GLCCI1: variants seen among roughly 807,000 people sequenced by gnomAD.
The protein encoded by GLCCI1 is glucocorticoid induced 1.
A neutral mutation model predicts 52.2 loss-of-function variants in GLCCI1; 24 were observed. The observed-to-expected ratio is 0.46, with a 90% CI of 0.33 to 0.65. GLCCI1 has a LOEUF of 0.65. Among genes scored for constraint, GLCCI1 ranks in the 30% least tolerant of loss-of-function variants. The probability of loss-of-function intolerance (pLI) is 0.02; values close to 1 mark genes in which losing one functional copy is unlikely to be tolerated. For synonymous variants in GLCCI1, 310 were observed against 276.5 expected (o/e 1.12, Z -1.20); for missense variants, 704 against 701.5 (o/e 1.00, Z -0.04).
chr7:8,023,588 CTTTTT>C (rs571726894), intron 3 of GLCCI1, among the ~76,000 whole-genome samples: 54 of 41,976 alleles, frequency 1.3e-3, no homozygotes, highest in Non-Finnish European at 1.8e-3. Flanking sequence ...CTCTGTTATT[CTTTTT>C]TTTTTTTTTT....
At chr7:7,973,310 C>T (rs1377982108) in intron 1 of GLCCI1, among the ~76,000 whole-genome samples, 1 of 151,878 alleles carries the variant, frequency 6.6e-6, no homozygotes, top group Non-Finnish European at 1.5e-5. Context: ...AGTAAAGTTG[C>T]TTCTTTTTGA....
At chr7:8,061,002 A>G (rs1462289822) in intron 5 of GLCCI1, among the ~76,000 whole-genome samples, 2 of 152,072 alleles carry the variant, frequency 1.3e-5, no homozygotes, top group Non-Finnish European at 2.9e-5. Flanking sequence ...TTTTTTAATT[A>G]TAGCAATCTT....
chr7:7,969,506 C>T lies in GLCCI1; in HGVS notation c.156C>T (p.Ala52=). 1 of 1,003,570 alleles carries T rather than the reference C, an allele frequency of 1.0e-6. No individual in the cohort carries two copies. The highest frequency in any genetic ancestry group is 1.2e-6 in the Non-Finnish European group (1 of 843,988). 62.2% of individuals were successfully genotyped at this position (1,003,570 alleles called of 1,614,324 possible). Reference sequence around the variant, plus strand: ...GCGGCGGCGGCGGCGTGGGCTGCGCCCCGGCTGCGGGAGCCGGCCGGCTGC... The same window carrying T: ...GCGGCGGCGGCGGCGTGGGCTGCGCTCCGGCTGCGGGAGCCGGCCGGCTGC... ...GAGGGGGVGC[A]PAAGAGRLLQ... The change falls in exon 1 of 8, where the codon GCC becomes GCT. Residue 52 remains alanine (A), a synonymous_variant. Coordinates refer to ENST00000223145, the MANE Select transcript of GLCCI1 (RefSeq NM_138426.4). This position sits in a 1 kb window ranked among gnomAD's most constrained non-coding sequence, Gnocchi z 4.9.
intron 3 of GLCCI1, among the ~76,000 whole-genome samples, chr7:8,038,832 A>T (rs1306514364): frequency 6.6e-6 from 1 of 152,230 alleles, no homozygotes; most frequent in Non-Finnish European, 1.5e-5. Flanking sequence ...CTACCTACAG[A>T]ATGCAAGAAA....
At chr7:8,055,677 T>C in intron 4 of GLCCI1, 128 bp downstream of exon 4, 1 of 678,658 alleles carries the variant, frequency 1.5e-6, no homozygotes, top group Non-Finnish European at 2.5e-6. Flanking sequence ...TGTTAAATTG[T>C]TATAAAAAGA....
chr7:8,064,387 G>A (rs578046195), intron 5 of GLCCI1, among the ~76,000 whole-genome samples: 3 of 152,076 alleles, frequency 2.0e-5, no homozygotes, highest in Non-Finnish European at 2.9e-5. Flanking sequence ...TATTTTTCTC[G>A]ACTTTGTCAA....
chr7:8,068,788 A>AG (rs1377120087), intron 5 of GLCCI1, among the ~76,000 whole-genome samples: 1 of 152,102 alleles, frequency 6.6e-6, no homozygotes, highest in African/African-American at 2.4e-5. Context: ...CCATGGTATA[A>AG]TTTGTACAGT....
chr7:8,030,840 A>G (rs1035202761), intron 3 of GLCCI1, among the ~76,000 whole-genome samples: 9 of 152,278 alleles, frequency 5.9e-5, no homozygotes, highest in African/African-American at 2.2e-4. Flanking sequence ...ATGAGGTATC[A>G]TCTCACCCCA....
In GLCCI1 at chr7:8,084,929, G is replaced by T; in HGVS notation, c.1210G>T (p.Ala404Ser). The T allele has an allele frequency of 1.9e-6, 3 of 1,614,134 alleles. No homozygotes were observed. Among genetic ancestry groups the T allele is most frequent in the Non-Finnish European group, 2.5e-6 (3 of 1,179,982 alleles). The change falls in exon 7 of 8, where the codon GCT becomes TCT. Residue 404 changes from alanine to serine, a missense_variant. By Grantham distance (99) the Ala-to-Ser change is moderately conservative (BLOSUM62 1). Around this residue, in one of 3 missense-constraint regions of GLCCI1, gnomAD observed 547 missense variants for 524.8 expected, o/e 1.04. Coordinates refer to ENST00000223145, the MANE Select transcript of GLCCI1 (RefSeq NM_138426.4). ...SGSSSPLPKY[A>S]SSPKPNNSYM... Reference sequence around the variant, plus strand: ...GAGTAGCTCACCGTTACCCAAGTATGCTTCATCTCCCAAACCAAACAACAG... The same window carrying T: ...GAGTAGCTCACCGTTACCCAAGTATTCTTCATCTCCCAAACCAAACAACAG...
At chr7:8,026,925 A>C (rs1781634911) in intron 3 of GLCCI1, among the ~76,000 whole-genome samples, 1 of 152,248 alleles carries the variant, frequency 6.6e-6, no homozygotes, top group African/African-American at 2.4e-5. Flanking sequence ...CCAAGATGGT[A>C]GGTATAACTC....
At chr7:7,971,856 G>C (rs1373792973) in intron 1 of GLCCI1, among the ~76,000 whole-genome samples, 1 of 152,224 alleles carries the variant, frequency 6.6e-6, no homozygotes, top group Non-Finnish European at 1.5e-5. Context: ...CAGTGTCAGA[G>C]AGCTTGTGTT....
rs61377819 is a variant in GLCCI1, at chr7:8,061,657, C to CTTTTTTTT, written c.966+1429_966+1436dup. ...TGGCATCTCTGTTTACCATTGAACT[C>CTTTTTTTT]TTTTTTTTTTTTTTTTTTTTTTTTT... On this transcript the variant is annotated intron_variant, in intron 5 of 7. Coordinates refer to ENST00000223145, the MANE Select transcript of GLCCI1 (RefSeq NM_138426.4). Among the ~76,000 whole-genome samples, 10 of 78,382 alleles carry CTTTTTTTT rather than the reference C, an allele frequency of 1.3e-4. 1 individual carries two copies. Among genetic ancestry groups the CTTTTTTTT allele is most frequent in the East Asian group, 8.4e-4 (2 of 2,388 alleles). 51.4% of individuals were successfully genotyped at this position (78,382 alleles called of 152,430 possible).
chr7:8,007,377 T>C (rs1026801563), intron 2 of GLCCI1, among the ~76,000 whole-genome samples: 2 of 152,230 alleles, frequency 1.3e-5, no homozygotes, highest in Admixed American at 6.5e-5. Flanking sequence ...ACGTAGTACG[T>C]ATTAAGCGTG....
At chr7:8,015,972 A>G (rs1781368637) in intron 2 of GLCCI1, among the ~76,000 whole-genome samples, 1 of 152,150 alleles carries the variant, frequency 6.6e-6, no homozygotes, top group African/African-American at 2.4e-5. Flanking sequence ...AGCACACTCT[A>G]GGTAAAATTG....
chr7:7,997,996 A>T (rs1780969647), intron 1 of GLCCI1, among the ~76,000 whole-genome samples: 1 of 151,676 alleles, frequency 6.6e-6, no homozygotes, highest in African/African-American at 2.4e-5. Flanking sequence ...AGAATATTAT[A>T]GCTAGTTTAT....
intron 2 of GLCCI1, among the ~76,000 whole-genome samples, chr7:8,011,997 A>G (rs1179655272): frequency 1.3e-5 from 2 of 151,644 alleles, no homozygotes; most frequent in African/African-American, 4.8e-5. Context: ...TTGTATTTTT[A>G]GTAGAGACGG....
chr7:8,043,762 A>G (rs1458964513), intron 3 of GLCCI1, among the ~76,000 whole-genome samples: 2 of 152,212 alleles, frequency 1.3e-5, no homozygotes, highest in African/African-American at 4.8e-5. Flanking sequence ...GGGAATAGGT[A>G]TAAAAGACTA....
chr7:8,049,480 G>A (rs1782209408), intron 3 of GLCCI1, among the ~76,000 whole-genome samples: 1 of 152,026 alleles, frequency 6.6e-6, no homozygotes, highest in African/African-American at 2.4e-5. Context: ...TAAAGTCTCT[G>A]TCTAAATTAA....
At chr7:7,982,131 C>T in intron 1 of GLCCI1, 1 of 385,776 alleles carries the variant, frequency 2.6e-6, no homozygotes. Flanking sequence ...AGTCACAAAT[C>T]CAAATACCAG....
Sources: gnomAD v4.1 joint callset for allele counts (sites outside exome capture counted in the v4.1 genomes callset) on GRCh38, gnomAD v4.1.1 for gene constraint, gnomAD v4.1.1 regional missense constraint, Gnocchi (gnomAD v3.1) non-coding constraint, MANE v1.5 for transcripts, NCBI Gene and HGNC (gene_info 2026-07-23, HGNC 2026-07-21) for gene names.